Variants in MUC6 observed in about 807,000 individuals in gnomAD.
MUC6 encodes the protein mucin 6, oligomeric mucus/gel-forming (gene/pseudogene), also known as mucin-6.
In MUC6, 188 loss-of-function variants were observed where a neutral mutation model predicts 201.5. The observed-to-expected ratio is 0.93, with a 90% CI of 0.83 to 1.05. The LOEUF (loss-of-function observed/expected upper bound fraction) is 1.05. MUC6 is among the 50% of genes least tolerant of loss of function. The pLI, the probability that MUC6 is intolerant of heterozygous loss-of-function variation, is 0.00. For missense variants in MUC6, 2,706 were observed against 3,256.9 expected (o/e 0.83, Z 4.12); for synonymous variants, 1,228 against 1,389.4 (o/e 0.88, Z 2.58).
rs1309680726 is a variant in MUC6 at position 1,027,934 on chromosome 11, C to A, written c.1848+31G>T. ...TTGTCAGCCACCACAGCCTCCCCTG[C>A]AGCCCTCCCAAGACGCCCTCGGGCC... On this transcript the variant is annotated intron_variant, in intron 15 of 32. Coordinates refer to ENST00000421673, the MANE Select transcript of MUC6 (RefSeq NM_005961.3). 2.6e-6 allele frequency: 4 copies of A among 1,562,202 alleles called. No homozygotes were observed. The East Asian group carries it at 7.2e-5, about 28-fold the overall frequency.
rs760226701 is a variant in MUC6, at chr11:1,016,597, G to A, written c.6204C>T (p.Thr2068=). The change falls in exon 31 of 33, where the codon ACC becomes ACT. Residue 2068 remains threonine (T), a synonymous_variant. Coordinates refer to ENST00000421673, the MANE Select transcript of MUC6 (RefSeq NM_005961.3). ...AGCTGTGGGTTTGGCTGGTCCCACT[G>A]GTGGTCACTGTCATTGGTGGGGCTG... ...THTAPPMTVT[T]SGTSQTHSSF... 3.8e-6 allele frequency: 6 copies of A among 1,583,842 alleles called. No homozygotes were observed. In the South Asian group the frequency reaches 4.4e-5, roughly 12 times the overall value.
rs943871477 is a variant in MUC6 at position 1,030,216 on chromosome 11, C to G, written c.1012G>C (p.Glu338Gln). 4.5e-6 allele frequency: 7 copies of G among 1,550,246 alleles called. No individual in the cohort carries two copies. The African/African-American group carries it at 6.8e-5, about 15-fold the overall frequency. Residue 338 changes from glutamate to glutamine, a missense_variant, in exon 8 of 33, where the codon GAA becomes CAA. By Grantham distance (29) the Glu-to-Gln change is conservative. This residue lies in a region of MUC6 where 1,850 missense variants were observed against 1,958.3 expected (regional missense o/e 0.94). Transcript: ENST00000421673. ...GAGTGCCTGCGACTGCCCTCACCTT[C>G]CGGGCAGAAGCACCCGAAGGTGCAG... ...SSCTFGCFCPEGTVLNDLSNN... is the reference protein window; with the variant it reads ...SSCTFGCFCPQGTVLNDLSNN...
intron 22 of MUC6, 129 bp from the exon 23 acceptor site, chr11:1,025,496 A>C: frequency 8.8e-7 from 1 of 1,142,230 alleles, no homozygotes; most frequent in Non-Finnish European, 1.2e-6. Flanking sequence ...GCGCCTGCTG[A>C]GAGCCAGCTT....
rs551868169 is a variant in MUC6 at position 1,036,675 on chromosome 11, C to T, written c.-20G>A. On this transcript the variant is annotated 5_prime_UTR_variant, in exon 1 of 33. Coordinates refer to ENST00000421673, the MANE Select transcript of MUC6 (RefSeq NM_005961.3). ...GACCATGGTGCACAGTGGAGAGGAGCTCGCGCTGGGCCCGGCAGGCCTGCT... is the reference window on the plus strand; with the variant it reads ...GACCATGGTGCACAGTGGAGAGGAGTTCGCGCTGGGCCCGGCAGGCCTGCT... 1.3e-6 allele frequency: 2 copies of T among 1,544,788 alleles called. No individual in the cohort carries two copies. The highest frequency in any genetic ancestry group is 4.9e-5 in the East Asian group (2 of 40,868).
chr11:1,013,704 A>G (rs966199348), intron 32 of MUC6, 71 bp from the exon 33 acceptor site: 8 of 1,493,496 alleles, frequency 5.4e-6, no homozygotes, highest in Non-Finnish European at 7.2e-6. Flanking sequence ...TCCCCAGGGC[A>G]GCTGCTCCGC....
chr11:1,019,642 G>T, intron 29 of MUC6, 146 bp from the exon 30 acceptor site: 1 of 750,022 alleles, frequency 1.3e-6, no homozygotes, highest in Non-Finnish European at 2.2e-6. Flanking sequence ...TCTTGCCTTT[G>T]TTAGGTCCTC....
At position 1,017,717 on chromosome 11, in the gene MUC6, T is replaced by C; in HGVS notation, c.5084A>G (p.His1695Arg). ...LNTAKTSTSL[H>R]SHTSSTHHAE... ...ATGGTGTGTGGAGGAAGTGTGTGAA[T>C]GTAGGGATGTAGAGGTTTTGGCTGT... is the stretch of plus-strand genomic sequence containing the variant. Residue 1695 changes from histidine (H) to arginine (R), a missense_variant, in exon 31 of 33, where the codon CAT becomes CGT. His to Arg is a conservative substitution (Grantham distance 29). Transcript: ENST00000421673. The C allele has an allele frequency of 6.2e-7, 1 of 1,607,998 alleles. No individual in the cohort carries two copies. The highest frequency in any genetic ancestry group is 8.5e-7 in the Non-Finnish European group (1 of 1,176,154).
chr11:1,016,529 G>A lies in MUC6; in HGVS notation c.6272C>T (p.Ser2091Leu), dbSNP rs537995039. 52 of 1,613,336 alleles carry A rather than the reference G, an allele frequency of 3.2e-5. No individual in the cohort carries two copies. Among genetic ancestry groups the A allele is most frequent in the African/African-American group, 1.3e-4 (10 of 74,958 alleles). The change falls in exon 31 of 33, where the codon TCG (serine) becomes TTG (leucine). Residue 2091 changes from serine (S) to leucine (L), a missense_variant. Physicochemically the swap from Ser to Leu is moderately radical, Grantham distance 145. This residue lies in a region of MUC6 where 586 missense variants were observed against 488.0 expected (regional missense o/e 1.20). Transcript: ENST00000421673. ...GCTAGAGTTCTGAGGCAGCCAAGAC[G>A]AGGAGGATATGAAGGAAGAAGAGGC... ...ATASSSFISS[S>L]SWLPQNSSSR...
In MUC6 at chr11:1,023,290, G is replaced by A. The variant is rs545721386; in HGVS notation, c.3526+219C>T. 7.9e-5 allele frequency among the ~76,000 whole-genome samples: 12 copies of A among 152,084 alleles called. No homozygotes were observed. The South Asian group carries it at 2.1e-3, about 26-fold the overall frequency. ...TGTGTGAGTGGATGAACAAATGTGC[G>A]TGAATGAATGAATATGCGTGAATGA... On this transcript the variant is annotated intron_variant, in intron 26 of 32. Transcript: ENST00000421673.
intron 26 of MUC6, among the ~76,000 whole-genome samples, chr11:1,023,190 A>G (rs1856862072): frequency 6.6e-6 from 1 of 151,666 alleles, no homozygotes. Context: ...CGGGAATGTG[A>G]CTGCGTGAAT....
In MUC6 at chr11:1,025,332, C is replaced by G; in HGVS notation, c.2835G>C (p.Thr945=). The change falls in exon 23 of 33, where the codon ACG becomes ACC. Residue 945 remains threonine, a synonymous_variant. Transcript: ENST00000421673. The part of the protein sequence containing the change: ...LSVVLADRNY[T]VTGEEPHVQL... ...GCACGTGGGGCTCCTCCCCGGTGAC[C>G]GTGTAGTTTCTGTCCGCCAGCACCA... The G allele has an allele frequency of 6.2e-7, 1 of 1,611,350 alleles. No homozygotes were observed. The highest frequency in any genetic ancestry group is 1.3e-5 in the African/African-American group (1 of 75,050).
At chr11:1,034,490 G>A (rs1337235075) in intron 1 of MUC6, among the ~76,000 whole-genome samples, 1 of 152,146 alleles carries the variant, frequency 6.6e-6, no homozygotes, top group African/African-American at 2.4e-5. Context: ...CAGAGCACCT[G>A]CTGCAGGAGT....
chr11:1,030,237 T>C lies in MUC6; in HGVS notation c.991A>G (p.Thr331Ala). 6.4e-7 allele frequency: 1 copy of C among 1,551,496 alleles called. No individual in the cohort carries two copies. The highest frequency in any genetic ancestry group is 1.2e-5 in the South Asian group (1 of 84,064). Residue 331 changes from threonine to alanine, a missense_variant, in exon 8 of 33, where the codon ACC (threonine) becomes GCC (alanine). By Grantham distance (58) the Thr-to-Ala change is moderately conservative (BLOSUM62 0). Coordinates refer to ENST00000421673, the MANE Select transcript of MUC6 (RefSeq NM_005961.3). ...NPQHSCSSSCTFGCFCPEGTV... is the reference protein window; with the variant it reads ...NPQHSCSSSCAFGCFCPEGTV... ...CCTTCCGGGCAGAAGCACCCGAAGG[T>C]GCAGGAGCTGGAGCAGCTGTGCTGC...
In MUC6 at chr11:1,026,374, C is replaced by A. The variant is rs773667679; in HGVS notation, c.2499G>T (p.Gly833=). The A allele has an allele frequency of 6.9e-6, 11 of 1,605,286 alleles. No individual in the cohort carries two copies. The highest frequency in any genetic ancestry group is 2.7e-5 in the African/African-American group (2 of 74,478). ...GCTCAGCTCCTCCAGGGTAGGAGAC[C>A]CCCGAGAACTCACATGGGCACTCCT... ...PPEECPCEFS[G]VSYPGGAELH... Residue 833 remains glycine, a synonymous_variant, in exon 20 of 33, where the codon GGG becomes GGT. Transcript: ENST00000421673.
intron 1 of MUC6, among the ~76,000 whole-genome samples, chr11:1,035,329 C>T (rs762517222): frequency 6.6e-6 from 1 of 152,194 alleles, no homozygotes; most frequent in Non-Finnish European, 1.5e-5. Context: ...GGTGGTGGCC[C>T]GAGGGACTAG....
At position 1,025,000 on chromosome 11, in the gene MUC6, G is replaced by T; in HGVS notation, c.3069C>A (p.Ser1023Arg). The change falls in exon 24 of 33, where the codon AGC becomes AGA. Residue 1023 changes from serine to arginine, a missense_variant. Ser to Arg is a moderately radical substitution (Grantham distance 110, BLOSUM62 -1). This residue lies in a region of MUC6 where 1,850 missense variants were observed against 1,958.3 expected (regional missense o/e 0.94). Transcript: ENST00000421673. ...TCCACGAGTTCACCAACTCCAGCTC[G>T]CTGGATGCCACGTACCTGCTGCGCG... ...FETRSRYVAS[S>R]ELELVNSWKE... 1 of 1,613,136 alleles carries T rather than the reference G, an allele frequency of 6.2e-7. No homozygotes were observed.
At chr11:1,026,904 C>A (rs189028365) in intron 19 of MUC6, 37 bp downstream of exon 19, 3 of 1,505,676 alleles carry the variant, frequency 2.0e-6, no homozygotes, top group Non-Finnish European at 2.7e-6. Flanking sequence ...TCAGCTGGGG[C>A]CCGGGCATTG....
At chr11:1,026,570 C>T (rs1468484038) in intron 19 of MUC6, 92 bp from the exon 20 acceptor site, 1 of 1,351,010 alleles carries the variant, frequency 7.4e-7, no homozygotes, top group Admixed American at 2.9e-5. Context: ...CGGCGTGTCT[C>T]CCAGGTCCTC....
intron 23 of MUC6, 49 bp from the exon 24 acceptor site, chr11:1,025,132 C>T (rs1343571439): frequency 1.2e-6 from 2 of 1,611,262 alleles, no homozygotes; most frequent in South Asian, 2.2e-5. Context: ...CCATCTGTCT[C>T]CACCCCTGCA....
Sources: gnomAD v4.1 joint callset for allele counts (sites outside exome capture counted in the v4.1 genomes callset) on GRCh38, gnomAD v4.1.1 for gene constraint, gnomAD v4.1.1 regional missense constraint, MANE v1.5 for transcripts, NCBI Gene and HGNC (gene_info 2026-07-23, HGNC 2026-07-21) for gene names.